FPR3: variants seen among roughly 807,000 people sequenced by gnomAD.
The protein encoded by FPR3 is N-formyl peptide receptor 3.
For missense variants in FPR3, 346 were observed against 443.2 expected, an observed-to-expected ratio of 0.78 and a Z score of 1.97; for synonymous variants, 135 against 163.6, an observed-to-expected ratio of 0.83 and a Z score of 1.34.
At chr19:51,822,285 C>A (rs1413845938) in intron 1 of FPR3, among the ~76,000 whole-genome samples, 1 of 152,182 alleles carries the variant, frequency 6.6e-6, no homozygotes. Flanking sequence ...ATAAAGCAAT[C>A]CCTTGCAAAG....
At chr19:51,819,200 A>G (rs2122479679) in intron 1 of FPR3, among the ~76,000 whole-genome samples, 1 of 152,354 alleles carries the variant, frequency 6.6e-6, no homozygotes, top group African/African-American at 2.4e-5. Context: ...GGGACAAGCA[A>G]CAGTTTAGTT....
chr19:51,815,121 G>A (rs2084125744), intron 1 of FPR3, among the ~76,000 whole-genome samples: 4 of 152,070 alleles, frequency 2.6e-5, no homozygotes, highest in African/African-American at 9.7e-5. Flanking sequence ...CTCATTTTAT[G>A]TTAGTGAGGT....
At chr19:51,795,513 T>TG (rs2083992277) in intron 1 of FPR3, among the ~76,000 whole-genome samples, 182 bp downstream of exon 1, 1 of 115,608 alleles carries the variant, frequency 8.6e-6, no homozygotes, top group Non-Finnish European at 1.8e-5. Context: ...TCTTTTTTTT[T>TG]TTTTTTTTTT....
chr19:51,824,631 A>G lies in FPR3; in HGVS notation c.883A>G (p.Ser295Gly), dbSNP rs761055933. ...NPTSSLAFFN[S>G]CLNPILYVFM... ...AACAAGCTCCTTGGCCTTTTTTAACAGCTGCCTCAACCCAATTCTCTACGT... is the reference window on the plus strand; with the variant it reads ...AACAAGCTCCTTGGCCTTTTTTAACGGCTGCCTCAACCCAATTCTCTACGT... The change falls in exon 2 of 2, where the codon AGC becomes GGC. Residue 295 changes from serine to glycine, a missense_variant. Physicochemically the swap from Ser to Gly is moderately conservative, Grantham distance 56. Coordinates refer to ENST00000339223, the MANE Select transcript of FPR3 (RefSeq NM_002030.5). This position sits in a 1 kb window ranked among gnomAD's most constrained non-coding sequence, Gnocchi z 4.7. 4 of 1,614,134 alleles carry G rather than the reference A, an allele frequency of 2.5e-6. No homozygotes were observed. The East Asian group carries it at 6.7e-5, about 27-fold the overall frequency.
chr19:51,808,523 C>G (rs1254449754), intron 1 of FPR3, among the ~76,000 whole-genome samples: 1 of 152,202 alleles, frequency 6.6e-6, no homozygotes, highest in Admixed American at 6.5e-5. Flanking sequence ...CTACAAAATG[C>G]TGACATAGCG....
chr19:51,817,213 C>T (rs1167719003), intron 1 of FPR3, among the ~76,000 whole-genome samples: 1 of 152,154 alleles, frequency 6.6e-6, no homozygotes, highest in East Asian at 1.9e-4. Context: ...GTTCCCTTGT[C>T]CTTCAGCAAA....
intron 1 of FPR3, among the ~76,000 whole-genome samples, chr19:51,797,264 G>A (rs2084005340): frequency 6.6e-6 from 1 of 152,078 alleles, no homozygotes; most frequent in Non-Finnish European, 1.5e-5. Context: ...GGATTAAGGA[G>A]AACAGCTGAG....
intron 1 of FPR3, among the ~76,000 whole-genome samples, chr19:51,815,948 T>C (rs2084133259): frequency 6.6e-6 from 1 of 150,988 alleles, no homozygotes; most frequent in African/African-American, 2.4e-5. Flanking sequence ...GTACCTACAG[T>C]CCCAGCAACT....
Position 51,824,159 on chromosome 19 carries a change from C to G in FPR3, c.411C>G (p.Arg137=), listed in dbSNP as rs773248236. The G allele has an allele frequency of 6.2e-7, 1 of 1,613,936 alleles. No individual in the cohort carries two copies. The highest frequency in any genetic ancestry group is 1.1e-5 in the South Asian group (1 of 91,050). The part of the protein sequence containing the change: ...VLHPAWAQNH[R]TMSLAKRVMT... Reference sequence around the variant, plus strand: ...ATCCAGCCTGGGCCCAGAACCATCGCACCATGAGTCTGGCCAAGAGGGTGA... The same window carrying G: ...ATCCAGCCTGGGCCCAGAACCATCGGACCATGAGTCTGGCCAAGAGGGTGA... The change falls in exon 2 of 2, where the codon CGC becomes CGG. Residue 137 remains arginine, a synonymous_variant. Transcript: ENST00000339223. The surrounding 1 kb of genome is among the most constrained non-coding windows in gnomAD (Gnocchi z 4.7).
intron 1 of FPR3, among the ~76,000 whole-genome samples, chr19:51,820,221 A>T (rs1364508592): frequency 6.6e-6 from 1 of 152,214 alleles, no homozygotes; most frequent in African/African-American, 2.4e-5. Context: ...GATGCTAACA[A>T]GGAAGTGCCG....
In FPR3 at chr19:51,825,250, C is replaced by G. The variant is rs1022394889; in HGVS notation, c.*440C>G. On this transcript the variant is annotated 3_prime_UTR_variant, in exon 2 of 2. Transcript: ENST00000339223. ...GCAAGGTTTATTATAAAAGATACTA[C>G]AAAGGATACAGATGAAGAGGCACAT... 2 of 179,102 alleles carry G rather than the reference C, an allele frequency of 1.1e-5. No individual in the cohort carries two copies. The highest frequency in any genetic ancestry group is 2.6e-5 in the Non-Finnish European group (2 of 75,936). 11.1% of individuals were successfully genotyped at this position (179,102 alleles called of 1,614,324 possible). A position where few individuals can be genotyped will look rare whatever the true frequency, so the allele number is the denominator to read the frequency against.
In FPR3 at chr19:51,824,344, AG is replaced by A. The variant is rs2084214831; in HGVS notation, c.598del (p.Val200SerfsTer3). 1 of 1,614,014 alleles carries A rather than the reference AG, an allele frequency of 6.2e-7. No homozygotes were observed. The highest frequency in any genetic ancestry group is 1.3e-5 in the African/African-American group (1 of 74,928). On this transcript the variant is annotated frameshift_variant, in exon 2 of 2. Transcript: ENST00000339223. LOFTEE classifies it low-confidence loss of function (END_TRUNC). This position sits in a 1 kb window ranked among gnomAD's most constrained non-coding sequence, Gnocchi z 4.7. Reference protein sequence around the residue: ...ERLNVFITMAKVFLILHFIIG... With the variant: ...ERLNVFITMAXVFLILHFIIG... ...TTGAACGTGTTCATTACCATGGCCAAGGTCTTTCTGATCCTCCACTTCATTA... is the reference window on the plus strand; with the variant it reads ...TTGAACGTGTTCATTACCATGGCCAAGTCTTTCTGATCCTCCACTTCATTA...
intron 1 of FPR3, among the ~76,000 whole-genome samples, chr19:51,815,352 G>T (rs1266977017): frequency 6.6e-6 from 1 of 151,996 alleles, no homozygotes; most frequent in Non-Finnish European, 1.5e-5. Context: ...TCAAAGTCAG[G>T]AATTCGAGAC....
intron 1 of FPR3, among the ~76,000 whole-genome samples, chr19:51,822,579 C>T (rs189536498): frequency 1.3e-5 from 2 of 152,324 alleles, no homozygotes; most frequent in East Asian, 3.9e-4. Flanking sequence ...TTGCTCTCAA[C>T]ATTGAGTCAT....
chr19:51,825,135 A>C lies in FPR3; in HGVS notation c.*325A>C, dbSNP rs1044160549. 3.9e-6 allele frequency: 1 copy of C among 257,526 alleles called. No homozygotes were observed. The allele number at this position is 257,526 out of a possible 1,614,324, so 16.0% of individuals were successfully genotyped here. A position where few individuals can be genotyped will look rare whatever the true frequency, so the allele number is the denominator to read the frequency against. On this transcript the variant is annotated 3_prime_UTR_variant, in exon 2 of 2. Coordinates refer to ENST00000339223, the MANE Select transcript of FPR3 (RefSeq NM_002030.5). ...TGAAACTTCGGACCAACCAGCTTCA[A>C]TCAGGGTTCCCACTACCCCCTCTTT...
At chr19:51,796,802 T>C (rs1476643234) in intron 1 of FPR3, among the ~76,000 whole-genome samples, 1 of 152,160 alleles carries the variant, frequency 6.6e-6, no homozygotes, top group Non-Finnish European at 1.5e-5. Context: ...GGTAAAACCA[T>C]GTGAGGTTTG....
intron 1 of FPR3, among the ~76,000 whole-genome samples, chr19:51,796,889 T>C (rs957338467): frequency 6.6e-6 from 1 of 152,134 alleles, no homozygotes; most frequent in African/African-American, 2.4e-5. Flanking sequence ...ATAATTTAGA[T>C]GAAAAGACAG....
intron 1 of FPR3, among the ~76,000 whole-genome samples, chr19:51,797,297 T>A (rs2084005531): frequency 6.9e-6 from 1 of 145,526 alleles, no homozygotes; most frequent in Non-Finnish European, 1.5e-5. Flanking sequence ...AAGGAAGAAT[T>A]AGAGACATTC....
At chr19:51,804,453 C>T (rs1028450058) in intron 1 of FPR3, among the ~76,000 whole-genome samples, 2 of 152,034 alleles carry the variant, frequency 1.3e-5, no homozygotes, top group Non-Finnish European at 2.9e-5. Context: ...GAATTATGTA[C>T]ATTTAATATA....
Sources: gnomAD v4.1 joint callset for allele counts (sites outside exome capture counted in the v4.1 genomes callset) on GRCh38, gnomAD v4.1.1 for gene constraint, Gnocchi (gnomAD v3.1) non-coding constraint, MANE v1.5 for transcripts, NCBI Gene and HGNC (gene_info 2026-07-23, HGNC 2026-07-21) for gene names.